Variants in DBNL observed in about 807,000 individuals in gnomAD.
DBNL encodes the protein drebrin-like protein.
In DBNL, 35 loss-of-function variants were observed where a neutral mutation model predicts 62.2. That is an observed-to-expected ratio of 0.56 (90% CI 0.43 to 0.75). The LOEUF is 0.75. Ranked by LOEUF, DBNL falls within the 30% of genes least tolerant of loss-of-function variation. DBNL has a pLI of 0.00. For synonymous variants in DBNL, 197 were observed against 218.0 expected, an observed-to-expected ratio of 0.90 and a Z score of 0.85; for missense variants, 495 against 578.4, an observed-to-expected ratio of 0.86 and a Z score of 1.48.
rs1014467169 is a variant in DBNL at position 44,065,449 on chromosome 7, A to G, written c.*4533A>G. 2.5e-6 allele frequency: 4 copies of G among 1,613,926 alleles called. No individual in the cohort carries two copies. Among genetic ancestry groups the G allele is most frequent in the Non-Finnish European group, 3.4e-6 (4 of 1,180,044 alleles). ...CGGTCCCCTTTTCACTCAGCTCTGC[A>G]TCGAACCAGCCACAGAAACGGTTCT... On this transcript the variant is annotated 3_prime_UTR_variant, in exon 13 of 13. Transcript: ENST00000448521.
intron 1 of DBNL, among the ~76,000 whole-genome samples, chr7:44,045,719 T>G (rs2096116146): frequency 1.3e-5 from 2 of 152,222 alleles, no homozygotes; most frequent in African/African-American, 4.8e-5. Flanking sequence ...TGTAAGTGCT[T>G]TCTCATCTCC....
At chr7:44,058,015 T>A in intron 6 of DBNL, 114 bp from the exon 7 acceptor site, 1 of 1,521,642 alleles carries the variant, frequency 6.6e-7, no homozygotes, top group Non-Finnish European at 8.9e-7. Flanking sequence ...ACAAGGCTAA[T>A]GATCGACTGG....
rs1586003339 is a variant in DBNL at position 44,066,812 on chromosome 7, C to T, written c.*5896C>T. 6.6e-6 allele frequency: 1 copy of T among 152,350 alleles called. No homozygotes were observed. Among genetic ancestry groups the T allele is most frequent in the African/African-American group, 2.4e-5 (1 of 41,466 alleles). 9.4% of individuals were successfully genotyped at this position (152,350 alleles called of 1,614,324 possible). On this transcript the variant is annotated 3_prime_UTR_variant, in exon 13 of 13. Transcript: ENST00000448521. ...GGACCCCCAAGGCTGGCAGGTGGAA[C>T]CCATCCCTCCTAGCAGTGCCATGCG... is the stretch of plus-strand genomic sequence containing the variant.
rs2096153996 is a variant in DBNL at position 44,063,893 on chromosome 7, G to A, written c.*2977G>A. ...GTCATGGGGCTGCATGAAGTCTCCG[G>A]AAGGGAGAGGAGGCAGGTGGTCCTT... On this transcript the variant is annotated 3_prime_UTR_variant, in exon 13 of 13. Coordinates refer to ENST00000448521, the MANE Select transcript of DBNL (RefSeq NM_001014436.3). The A allele has an allele frequency of 6.6e-6, 1 of 152,380 alleles. No individual in the cohort carries two copies. The highest frequency in any genetic ancestry group is 6.5e-5 in the Admixed American group (1 of 15,286). The allele number at this position is 152,380 out of a possible 1,614,324, so 9.4% of individuals were successfully genotyped here. A position where few individuals can be genotyped will look rare whatever the true frequency, so the allele number is the denominator to read the frequency against.
intron 1 of DBNL, among the ~76,000 whole-genome samples, chr7:44,047,724 A>G (rs773109383): frequency 3.9e-5 from 6 of 152,136 alleles, no homozygotes; most frequent in Non-Finnish European, 8.8e-5. Context: ...TTCAGAGGCC[A>G]GTGCACCATG....
Sources: gnomAD v4.1 joint callset for allele counts (sites outside exome capture counted in the v4.1 genomes callset) on GRCh38, gnomAD v4.1.1 for gene constraint, MANE v1.5 for transcripts, NCBI Gene and HGNC (gene_info 2026-07-23, HGNC 2026-07-21) for gene names.